TAOK1: variants seen among roughly 807,000 people sequenced by gnomAD.
TAOK1 encodes the protein serine/threonine-protein kinase TAO1.
TAOK1 carries 21 observed loss-of-function variants against 138.3 expected under a neutral mutation model. The observed-to-expected ratio is 0.15, with a 90% CI of 0.11 to 0.22. TAOK1 has a LOEUF of 0.22. Among genes scored for constraint, TAOK1 ranks in the 10% least tolerant of loss-of-function variants. The pLI, the probability that TAOK1 is intolerant of heterozygous loss-of-function variation, is 1.00. For synonymous variants in TAOK1, 361 were observed against 398.4 expected, an observed-to-expected ratio of 0.91 and a Z score of 1.12; for missense variants, 651 against 1,227.7, an observed-to-expected ratio of 0.53 and a Z score of 7.02.
chr17:29,444,822 A>G (rs544104358), intron 1 of TAOK1, among the ~76,000 whole-genome samples: 2 of 152,302 alleles, frequency 1.3e-5, no homozygotes, highest in South Asian at 4.1e-4. Flanking sequence ...TCTCCATTTA[A>G]TTAGGTTGAC....
chr17:29,509,453 C>T (rs1204299336), intron 14 of TAOK1, among the ~76,000 whole-genome samples: 1 of 152,058 alleles, frequency 6.6e-6, no homozygotes, highest in African/African-American at 2.4e-5. Flanking sequence ...CTTCCTGCCT[C>T]GGCCTCCCAA....
chr17:29,503,263 G>A (rs138424143), intron 13 of TAOK1, among the ~76,000 whole-genome samples: 23 of 152,092 alleles, frequency 1.5e-4, no homozygotes, highest in South Asian at 6.2e-4. Context: ...GGGCGTGGTG[G>A]CAGGAGCCTG....
At chr17:29,503,495 G>A (rs2031571625) in intron 13 of TAOK1, among the ~76,000 whole-genome samples, 1 of 151,752 alleles carries the variant, frequency 6.6e-6, no homozygotes, top group Non-Finnish European at 1.5e-5. Flanking sequence ...GCAGTACAAT[G>A]TGGTATACTC....
intron 1 of TAOK1, among the ~76,000 whole-genome samples, chr17:29,395,569 A>G (rs762819676): frequency 4.6e-5 from 7 of 151,964 alleles, no homozygotes; most frequent in Non-Finnish European, 7.4e-5. Flanking sequence ...TTATTTCTCT[A>G]GTAAAGTTTC....
chr17:29,393,506 T>C (rs1375132635), intron 1 of TAOK1, among the ~76,000 whole-genome samples: 1 of 152,222 alleles, frequency 6.6e-6, no homozygotes, highest in East Asian at 1.9e-4. Context: ...TCAGATGACC[T>C]CTGATGCCAC....
chr17:29,425,687 AAAAAAACC>A (rs1030373269), intron 1 of TAOK1, among the ~76,000 whole-genome samples: 5 of 59,598 alleles, frequency 8.4e-5, no homozygotes, highest in African/African-American at 3.3e-4. Flanking sequence ...ACAAACAAAC[AAAAAAACC>A]AAACTTTTTA....
intron 7 of TAOK1, 106 bp downstream of exon 7, chr17:29,480,587 G>T (rs763689020): frequency 2.1e-6 from 2 of 965,956 alleles, no homozygotes; most frequent in Non-Finnish European, 3.0e-6. Flanking sequence ...TGTTAAACTC[G>T]GCCAGGTGCA....
chr17:29,537,103 T>G (rs148385038), intron 19 of TAOK1, among the ~76,000 whole-genome samples: 161 of 152,314 alleles, frequency 1.1e-3, no homozygotes, highest in Non-Finnish European at 1.8e-3. Flanking sequence ...AAGAATGGTG[T>G]TATGAGAGAA....
At chr17:29,412,145 C>T (rs1188605751) in intron 1 of TAOK1, among the ~76,000 whole-genome samples, 1 of 151,958 alleles carries the variant, frequency 6.6e-6, no homozygotes, top group South Asian at 2.1e-4. Context: ...CAGGTTCAAG[C>T]GATTCTCCTG....
rs1186071296 is a variant in TAOK1 at position 29,478,497 on chromosome 17, A to G, written c.449+150A>G. 3 of 496,410 alleles carry G rather than the reference A, an allele frequency of 6.0e-6. No homozygotes were observed. The East Asian group carries it at 1.0e-4, about 17-fold the overall frequency. The allele number at this position is 496,410 out of a possible 1,614,324, so 30.8% of individuals were successfully genotyped here. A position where few individuals can be genotyped will look rare whatever the true frequency, so the allele number is the denominator to read the frequency against. ...TTTAGATTTTTCATGTCCTAAAATG[A>G]ACATAGTTGTATACTTTATCTCACT... On this transcript the variant is annotated intron_variant, in intron 6 of 19. Coordinates refer to ENST00000261716, the MANE Select transcript of TAOK1 (RefSeq NM_020791.4).
At chr17:29,534,035 C>T in intron 18 of TAOK1, 83 bp from the exon 19 acceptor site, 1 of 1,377,858 alleles carries the variant, frequency 7.3e-7, no homozygotes, top group Non-Finnish European at 9.5e-7. Flanking sequence ...TCTTCTAACA[C>T]TCCTCCTCCT....
chr17:29,454,322 T>C (rs1419737304), intron 2 of TAOK1, among the ~76,000 whole-genome samples: 1 of 152,248 alleles, frequency 6.6e-6, no homozygotes, highest in Non-Finnish European at 1.5e-5. Flanking sequence ...TGACTGTAGC[T>C]TTGTGGTAAG....
At chr17:29,397,840 T>C (rs1048459979) in intron 1 of TAOK1, among the ~76,000 whole-genome samples, 1 of 145,658 alleles carries the variant, frequency 6.9e-6, no homozygotes, top group Non-Finnish European at 1.5e-5. Flanking sequence ...TATATGTGTA[T>C]ATATATATAT....
intron 12 of TAOK1, among the ~76,000 whole-genome samples, chr17:29,500,286 G>T (rs1417862406): frequency 1.3e-5 from 2 of 152,084 alleles, no homozygotes; most frequent in African/African-American, 4.8e-5. Flanking sequence ...CTGCACCTCA[G>T]CCTGGGTGAT....
chr17:29,440,003 T>C (rs2029892564), intron 1 of TAOK1, among the ~76,000 whole-genome samples: 1 of 152,128 alleles, frequency 6.6e-6, no homozygotes, highest in African/African-American at 2.4e-5. Context: ...TAGGAGAATG[T>C]CTTCCAGTGT....
At chr17:29,410,307 A>G (rs1185716572) in intron 1 of TAOK1, among the ~76,000 whole-genome samples, 1 of 152,128 alleles carries the variant, frequency 6.6e-6, no homozygotes, top group Non-Finnish European at 1.5e-5. Context: ...CTGGAGCACA[A>G]TGGCATGATC....
intron 1 of TAOK1, among the ~76,000 whole-genome samples, chr17:29,442,022 A>G (rs1190771087): frequency 1.3e-5 from 2 of 151,716 alleles, no homozygotes; most frequent in African/African-American, 2.4e-5. Flanking sequence ...AACTTCTTGA[A>G]AGTTGGCTTT....
At chr17:29,454,854 A>G (rs1188840693) in intron 2 of TAOK1, among the ~76,000 whole-genome samples, 1 of 151,960 alleles carries the variant, frequency 6.6e-6, no homozygotes, top group Non-Finnish European at 1.5e-5. Flanking sequence ...GGAGCATGCC[A>G]CCATGCCCAG....
At chr17:29,531,048 G>T (rs924372826) in intron 18 of TAOK1, among the ~76,000 whole-genome samples, 1 of 136,576 alleles carries the variant, frequency 7.3e-6, no homozygotes, top group Admixed American at 8.4e-5. Context: ...TGCAAGCTCC[G>T]CCTCCCGGGT....
Sources: allele counts gnomAD v4.1 joint callset (sites outside exome capture counted in the v4.1 genomes callset), GRCh38; gene constraint gnomAD v4.1.1; transcripts MANE v1.5; gene names NCBI Gene and HGNC (gene_info 2026-07-23, HGNC 2026-07-21).